The following PDE1C variants were observed in gnomAD, a reference collection of about 807,000 sequenced individuals.
The protein encoded by PDE1C is phosphodiesterase 1C, also known as dual specificity calcium/calmodulin-dependent 3',5'-cyclic nucleotide phosphodiesterase 1C.
Under a neutral mutation model 93.1 loss-of-function variants are expected in PDE1C, and 62 were observed. That is an observed-to-expected ratio of 0.67 (90% CI 0.54 to 0.82). PDE1C has a LOEUF of 0.82. Among genes scored for constraint, PDE1C ranks in the 40% least tolerant of loss-of-function variants. The probability of loss-of-function intolerance (pLI) is 0.00; values close to 1 mark genes in which losing one functional copy is unlikely to be tolerated. For synonymous variants in PDE1C, 325 were observed against 310.1 expected, an observed-to-expected ratio of 1.05 and a Z score of -0.50; for missense variants, 742 against 884.6, an observed-to-expected ratio of 0.84 and a Z score of 2.04.
the PDE1C span, among the ~76,000 whole-genome samples, chr7:31,645,763 G>T: frequency 6.6e-6 from 1 of 152,134 alleles, no homozygotes; most frequent in Non-Finnish European, 1.5e-5. Context: ...ACGGGAGGGG[G>T]GTGGTTGCTA....
At chr7:32,044,589 A>G (rs755032837) in intron 2 of PDE1C, among the ~76,000 whole-genome samples, 3 of 152,156 alleles carry the variant, frequency 2.0e-5, no homozygotes, top group Non-Finnish European at 4.4e-5. Context: ...AAGAGATTAA[A>G]GAGGCCACCC....
intron 1 of PDE1C, among the ~76,000 whole-genome samples, chr7:32,273,054 C>T (rs1249370745): frequency 1.3e-5 from 2 of 152,062 alleles, no homozygotes; most frequent in South Asian, 2.1e-4. Flanking sequence ...ATGGAGGTGA[C>T]GGTGTTTCAG....
chr7:32,236,275 AAAGT>A (rs1808068263), intron 1 of PDE1C, among the ~76,000 whole-genome samples: 2 of 152,282 alleles, frequency 1.3e-5, no homozygotes, highest in African/African-American at 4.8e-5. Context: ...TATGACAACA[AAAGT>A]AAGATCCATA....
chr7:32,163,746 T>G (rs953200601), intron 3 of PDE1C, among the ~76,000 whole-genome samples: 2 of 152,154 alleles, frequency 1.3e-5, no homozygotes, highest in Non-Finnish European at 2.9e-5. Flanking sequence ...TTTCCACCAC[T>G]GCCCAAGGAG....
chr7:32,019,984 C>T (rs530914947), intron 2 of PDE1C, among the ~76,000 whole-genome samples: 1 of 152,120 alleles, frequency 6.6e-6, no homozygotes, highest in Admixed American at 6.6e-5. Flanking sequence ...TAAGAGTCTG[C>T]AGAGATGAGA....
intron 1 of PDE1C, among the ~76,000 whole-genome samples, chr7:32,408,760 G>T (rs777898021): frequency 3.3e-5 from 5 of 152,080 alleles, no homozygotes; most frequent in Non-Finnish European, 5.9e-5. Flanking sequence ...CTGCACTCCA[G>T]CCTGAGTGAC....
At chr7:32,205,698 C>T (rs919650947) in intron 2 of PDE1C, among the ~76,000 whole-genome samples, 1 of 152,150 alleles carries the variant, frequency 6.6e-6, no homozygotes, top group African/African-American at 2.4e-5. Flanking sequence ...CTTTTTAGGT[C>T]TGCACTACCT....
intron 16 of PDE1C, chr7:31,789,711 C>A (rs934976280): frequency 3.3e-5 from 33 of 985,294 alleles, no homozygotes; most frequent in Non-Finnish European, 3.9e-5. Context: ...ATGTTCCTGA[C>A]TCAGGAAAGG....
At chr7:31,819,369 C>T (rs77432472) in intron 14 of PDE1C, among the ~76,000 whole-genome samples, 2 of 152,012 alleles carry the variant, frequency 1.3e-5, no homozygotes, top group Admixed American at 6.6e-5. Flanking sequence ...GTGAAATTAT[C>T]GGTATAGATG....
intron 1 of PDE1C, among the ~76,000 whole-genome samples, chr7:32,398,449 C>T (rs914669385): frequency 5.9e-5 from 9 of 151,382 alleles, no homozygotes; most frequent in Middle Eastern, 3.4e-3. Context: ...AGTGCAGTGG[C>T]GCAATCTTGG....
intron 2 of PDE1C, among the ~76,000 whole-genome samples, chr7:31,895,983 A>T (rs1195699353): frequency 2.0e-5 from 3 of 148,050 alleles, no homozygotes; most frequent in Non-Finnish European, 4.5e-5. Flanking sequence ...AGACTAATAC[A>T]CTCTCCCTTA....
At chr7:32,036,437 T>G (rs1791100110) in intron 2 of PDE1C, among the ~76,000 whole-genome samples, 1 of 151,962 alleles carries the variant, frequency 6.6e-6, no homozygotes, top group Non-Finnish European at 1.5e-5. Context: ...GAAGAGCAAA[T>G]TAAACCCAAA....
intron 1 of PDE1C, among the ~76,000 whole-genome samples, chr7:32,284,982 A>G (rs1458636520): frequency 6.6e-6 from 1 of 151,494 alleles, no homozygotes; most frequent in African/African-American, 2.4e-5. Flanking sequence ...GTGAGCAGAG[A>G]TCGTGCCACT....
chr7:32,302,904 G>C (rs1020100788), upstream of PDE1C, among the ~76,000 whole-genome samples: 1 of 152,112 alleles, frequency 6.6e-6, no homozygotes, highest in Non-Finnish European at 1.5e-5. Flanking sequence ...CCCAATAAGA[G>C]CATCGTGCAC....
chr7:32,321,183 A>C (rs1220277194), intron 1 of PDE1C, among the ~76,000 whole-genome samples: 1 of 152,228 alleles, frequency 6.6e-6, no homozygotes, highest in African/African-American at 2.4e-5. Context: ...TCCTTAAAAA[A>C]GACAAATTAA....
chr7:31,657,315 G>A, the PDE1C span, among the ~76,000 whole-genome samples: 1 of 152,094 alleles, frequency 6.6e-6, no homozygotes, highest in Non-Finnish European at 1.5e-5. Flanking sequence ...GGGTTTATGT[G>A]GTGCCTAACA....
At chr7:31,998,520 C>T (rs1466789315) in intron 2 of PDE1C, among the ~76,000 whole-genome samples, 7 of 152,106 alleles carry the variant, frequency 4.6e-5, no homozygotes, top group African/African-American at 1.7e-4. Context: ...TATACTTGTA[C>T]ACATCTAGGT....
In PDE1C at chr7:32,307,278, T is replaced by A. The variant is rs78014537; in HGVS notation, c.311-97739A>T. Among the ~76,000 whole-genome samples the A allele has an allele frequency of 2.0e-5, 3 of 152,100 alleles. No individual in the cohort carries two copies. In the East Asian group the frequency reaches 5.8e-4, roughly 29 times the overall value. ...TATTCAGGGACTAAGCTGGCTCTCA[T>A]CTCATAGCTTCATCAGCACCTAGAC... On this transcript the variant is annotated intron_variant, in intron 1 of 1. Coordinates refer to the PDE1C transcript ENST00000672256.
chr7:31,937,645 A>G (rs1805279908), intron 2 of PDE1C, among the ~76,000 whole-genome samples: 1 of 152,212 alleles, frequency 6.6e-6, no homozygotes, highest in South Asian at 2.1e-4. Flanking sequence ...ATGAGAAAAC[A>G]AGTCACATCA....
Sources: gnomAD v4.1 joint callset for allele counts (sites outside exome capture counted in the v4.1 genomes callset) on GRCh38, gnomAD v4.1.1 for gene constraint, MANE v1.5 for transcripts, NCBI Gene and HGNC (gene_info 2026-07-23, HGNC 2026-07-21) for gene names.